Variants in HDAC9 observed in about 807,000 individuals in gnomAD.
HDAC9 encodes the protein MEF-2 interacting transcription repressor (MITR) protein.
HDAC9 carries 41 observed loss-of-function variants against 139.4 expected under a neutral mutation model. The observed-to-expected ratio is 0.29, with a 90% confidence interval of 0.23 to 0.38. The LOEUF (loss-of-function observed/expected upper bound fraction) is 0.38. Ranked by LOEUF, HDAC9 falls within the 10% of genes least tolerant of loss-of-function variation. HDAC9 has a pLI of 1.00. For missense variants in HDAC9, 1,147 were observed against 1,297.0 expected (o/e 0.88, Z 1.78); for synonymous variants, 517 against 476.2 (o/e 1.09, Z -1.12).
intron 24 of HDAC9, among the ~76,000 whole-genome samples, chr7:18,954,661 C>T (rs141456694): frequency 5.8e-4 from 89 of 152,180 alleles, no homozygotes; most frequent in African/African-American, 2.1e-3. Context: ...GAAAATCCAA[C>T]TTAACAAAGC....
intron 6 of HDAC9, among the ~76,000 whole-genome samples, chr7:18,627,511 G>A (rs1842023972): frequency 6.6e-6 from 1 of 152,150 alleles, no homozygotes; most frequent in Admixed American, 6.5e-5. Flanking sequence ...AAAAATACAT[G>A]TGTACATGAA....
Position 18,623,190 on chromosome 7 carries a change from G to A in HDAC9, c.665-6160G>A, listed in dbSNP as rs138597814. ...GAGCAGAGGCAAAATACACATAGTA[G>A]GTGGTCCTTCTTAAGTGGATGATGA... On this transcript the variant is annotated intron_variant, in intron 6 of 25. Coordinates refer to ENST00000686413, the MANE Select transcript of HDAC9 (RefSeq NM_178425.4). 7.7e-4 allele frequency among the ~76,000 whole-genome samples: 117 copies of A among 151,516 alleles called. 2 individuals are homozygous for A. In the East Asian group the frequency reaches 0.019, roughly 25 times the overall value.
At chr7:18,877,979 A>G (rs1799446811) in intron 22 of HDAC9, among the ~76,000 whole-genome samples, 1 of 152,126 alleles carries the variant, frequency 6.6e-6, no homozygotes, top group Non-Finnish European at 1.5e-5. Context: ...CCAACCCGAA[A>G]TGACTAAATA....
chr7:18,832,299 T>C (rs1795909248), intron 19 of HDAC9, among the ~76,000 whole-genome samples: 2 of 152,218 alleles, frequency 1.3e-5, no homozygotes, highest in Non-Finnish European at 2.9e-5. Context: ...TTTTGGGAAA[T>C]TGCGTTGTTG....
chr7:18,760,355 A>G (rs1215654769), intron 14 of HDAC9, among the ~76,000 whole-genome samples: 1 of 152,096 alleles, frequency 6.6e-6, no homozygotes, highest in African/African-American at 2.4e-5. Context: ...GTCTCTTTAC[A>G]TGCCATCCTA....
intron 1 of HDAC9, among the ~76,000 whole-genome samples, chr7:18,386,021 A>G (rs1162632764): frequency 6.6e-6 from 1 of 151,754 alleles, no homozygotes; most frequent in Non-Finnish European, 1.5e-5. Flanking sequence ...TAGTATTTAG[A>G]TGATTATACT....
intron 1 of HDAC9, among the ~76,000 whole-genome samples, chr7:18,408,750 G>T (rs1788252758): frequency 6.6e-6 from 1 of 152,124 alleles, no homozygotes; most frequent in Non-Finnish European, 1.5e-5. Context: ...GTTTTTTTAT[G>T]TTGTGGGTCC....
chr7:18,880,843 CGG>C (rs33919260), intron 22 of HDAC9, among the ~76,000 whole-genome samples: 8,941 of 139,316 alleles, frequency 0.064, 709 homozygotes, highest in African/African-American at 0.18. Flanking sequence ...TAATAGTTGC[CGG>C]GGGGGGGGGA....
intron 14 of HDAC9, among the ~76,000 whole-genome samples, chr7:18,761,343 G>GA (rs1221601699): frequency 6.6e-6 from 1 of 152,124 alleles, no homozygotes; most frequent in Non-Finnish European, 1.5e-5. Context: ...AGCCTTTTTG[G>GA]AAAAAATTGA....
At chr7:18,412,699 ATTC>A (rs1194534960) in intron 1 of HDAC9, among the ~76,000 whole-genome samples, 14 of 152,330 alleles carry the variant, frequency 9.2e-5, no homozygotes, top group African/African-American at 3.4e-4. Flanking sequence ...AGTGAATGTT[ATTC>A]ATAATAAAAA....
At chr7:18,706,096 C>A (rs1301446150) in intron 12 of HDAC9, among the ~76,000 whole-genome samples, 1 of 150,180 alleles carries the variant, frequency 6.7e-6, no homozygotes, top group Admixed American at 6.7e-5. Flanking sequence ...ATCTTTCTTG[C>A]CTTAATGCTA....
chr7:18,401,517 A>G (rs1160078473), intron 1 of HDAC9, among the ~76,000 whole-genome samples: 1 of 152,186 alleles, frequency 6.6e-6, no homozygotes, highest in Non-Finnish European at 1.5e-5. Flanking sequence ...GAGCTAGGGT[A>G]TACTGTGGTG....
chr7:18,810,205 A>T (rs1794065750), intron 17 of HDAC9, among the ~76,000 whole-genome samples: 1 of 151,898 alleles, frequency 6.6e-6, no homozygotes, highest in Non-Finnish European at 1.5e-5. Flanking sequence ...AGGTTATGGA[A>T]TTAAAAACAA....
At chr7:18,534,948 C>A (rs1042693693) in intron 2 of HDAC9, among the ~76,000 whole-genome samples, 2 of 152,264 alleles carry the variant, frequency 1.3e-5, no homozygotes, top group East Asian at 1.9e-4. Flanking sequence ...TTAAACCAGT[C>A]CCTGCGCTTT....
At chr7:18,756,226 G>C (rs1196732306) in intron 14 of HDAC9, among the ~76,000 whole-genome samples, 1 of 152,120 alleles carries the variant, frequency 6.6e-6, no homozygotes, top group Non-Finnish European at 1.5e-5. Flanking sequence ...ACGAGATAGA[G>C]ACAAATAGGC....
chr7:18,202,905 G>C (rs535004031), intron 2 of HDAC9, among the ~76,000 whole-genome samples: 14 of 152,276 alleles, frequency 9.2e-5, no homozygotes, highest in African/African-American at 3.1e-4. Context: ...CTTTGTTTCA[G>C]TTTGCTCATC....
At chr7:18,853,292 G>A (rs752930512) in intron 21 of HDAC9, among the ~76,000 whole-genome samples, 2 of 152,054 alleles carry the variant, frequency 1.3e-5, no homozygotes, top group African/African-American at 2.4e-5. Context: ...ACAAATGGAA[G>A]ACTTCAATCC....
At chr7:18,931,576 CTGTT>C (rs1804745704) in intron 22 of HDAC9, among the ~76,000 whole-genome samples, 1 of 152,154 alleles carries the variant, frequency 6.6e-6, no homozygotes, top group Non-Finnish European at 1.5e-5. Flanking sequence ...TTCACTCATC[CTGTT>C]CATGGTGAAC....
chr7:18,765,192 A>G (rs11765005), intron 15 of HDAC9, among the ~76,000 whole-genome samples: 1 of 152,218 alleles, frequency 6.6e-6, no homozygotes, highest in Non-Finnish European at 1.5e-5. Context: ...AGTATCAATT[A>G]TATGCCTGTT....
Sources: allele counts gnomAD v4.1 joint callset (sites outside exome capture counted in the v4.1 genomes callset), GRCh38; gene constraint gnomAD v4.1.1; transcripts MANE v1.5; gene names NCBI Gene and HGNC (gene_info 2026-07-23, HGNC 2026-07-21).